The following INPP4B variants were observed in gnomAD, a reference collection of about 807,000 sequenced individuals.
INPP4B encodes inositol polyphosphate-4-phosphatase type II B.
A neutral mutation model predicts 122.5 loss-of-function variants in INPP4B; 55 were observed. The observed-to-expected ratio is 0.45, with a 90% CI of 0.36 to 0.56. The LOEUF (loss-of-function observed/expected upper bound fraction) is 0.56. INPP4B is among the 20% of genes least tolerant of loss of function. The pLI is 0.00. For synonymous variants in INPP4B, 403 were observed against 388.7 expected, an observed-to-expected ratio of 1.04 and a Z score of -0.43; for missense variants, 1,000 against 1,097.7, an observed-to-expected ratio of 0.91 and a Z score of 1.26.
intron 5 of INPP4B, among the ~76,000 whole-genome samples, chr4:142,410,772 T>C (rs1804436127): frequency 6.6e-6 from 1 of 152,190 alleles, no homozygotes; most frequent in Non-Finnish European, 1.5e-5. Context: ...GTAATGTATA[T>C]AGAATGCTAA....
intron 5 of INPP4B, among the ~76,000 whole-genome samples, chr4:142,415,282 G>A (rs1390487961): frequency 6.6e-6 from 1 of 152,122 alleles, no homozygotes; most frequent in Non-Finnish European, 1.5e-5. Context: ...GTTACAGGAA[G>A]GGTGGCAGGA....
intron 2 of INPP4B, among the ~76,000 whole-genome samples, chr4:142,585,532 G>C (rs1264744885): frequency 3.3e-5 from 5 of 152,098 alleles, no homozygotes; most frequent in Non-Finnish European, 7.3e-5. Context: ...TCTCTTGTCT[G>C]AGGCATTTTC....
intron 1 of INPP4B, among the ~76,000 whole-genome samples, chr4:142,737,349 C>A (rs1048158474): frequency 3.9e-5 from 6 of 152,110 alleles, no homozygotes; most frequent in Non-Finnish European, 7.3e-5. Flanking sequence ...CTGACAAAAA[C>A]AAGCAATGGG....
At chr4:142,733,235 T>C (rs1489549571) in intron 1 of INPP4B, among the ~76,000 whole-genome samples, 1 of 152,116 alleles carries the variant, frequency 6.6e-6, no homozygotes, top group East Asian at 1.9e-4. Flanking sequence ...ATCTTTCCCT[T>C]TGGGGCAGAT....
chr4:142,692,263 C>G (rs529986858), intron 2 of INPP4B, among the ~76,000 whole-genome samples: 1 of 151,904 alleles, frequency 6.6e-6, no homozygotes, highest in Non-Finnish European at 1.5e-5. Context: ...CTAAAACAAA[C>G]AAAAAATACT....
At position 142,024,600 on chromosome 4, in the gene INPP4B, A is replaced by G. The variant is rs1255994920; in HGVS notation, c.*4182T>C. 3.9e-5 allele frequency: 6 copies of G among 152,186 alleles called. No homozygotes were observed. The highest frequency in any genetic ancestry group is 7.4e-5 in the Non-Finnish European group (5 of 68,022). 9.4% of individuals were successfully genotyped at this position (152,186 alleles called of 1,614,324 possible). The stretch of plus-strand genomic sequence containing the variant: ...AAATGATATACCATCCTGCTTGGAA[A>G]TCAAACACCTAAAACATCTGTGGTG... On this transcript the variant is annotated 3_prime_UTR_variant, in exon 26 of 26. Transcript: ENST00000262992.
At chr4:142,713,534 GA>G (rs1201313337) in intron 2 of INPP4B, among the ~76,000 whole-genome samples, 1 of 152,182 alleles carries the variant, frequency 6.6e-6, no homozygotes, top group Non-Finnish European at 1.5e-5. Flanking sequence ...ACTCTTCTGA[GA>G]AATACTTACT....
rs532070151 is a variant in INPP4B, at chr4:142,533,728, C to T, written c.-190-71002G>A. Among the ~76,000 whole-genome samples the T allele has an allele frequency of 3.9e-5, 6 of 152,186 alleles. No homozygotes were observed. The South Asian group carries it at 1.2e-3, about 32-fold the overall frequency. On this transcript the variant is annotated intron_variant, in intron 2 of 25. Transcript: ENST00000262992. ...CAAAATTCTTAAGCAAATAAAGAAA[C>T]ATGTTTATAAGAATATGACCCACCC...
In INPP4B at chr4:142,255,403, C is replaced by G. The variant is rs544398849; in HGVS notation, c.688+5089G>C. ...CTAAATGCTCCAGTTAAAAGACACA[C>G]ACTGGCAAATTGGATAAAGAGTCAA... On this transcript the variant is annotated intron_variant, in intron 11 of 25. Coordinates refer to ENST00000262992, the MANE Select transcript of INPP4B (RefSeq NM_001101669.3). Among the ~76,000 whole-genome samples the G allele has an allele frequency of 1.5e-3, 224 of 152,234 alleles. 5 individuals carry two copies. In the South Asian group the frequency reaches 0.044, roughly 30 times the overall value.
chr4:142,494,805 G>C (rs552285997), intron 2 of INPP4B, among the ~76,000 whole-genome samples: 1 of 151,940 alleles, frequency 6.6e-6, no homozygotes, highest in Non-Finnish European at 1.5e-5. Flanking sequence ...GGACACCTCC[G>C]TCCCAAATTC....
At chr4:142,797,666 T>C (rs1447476164) in intron 1 of INPP4B, among the ~76,000 whole-genome samples, 2 of 151,644 alleles carry the variant, frequency 1.3e-5, no homozygotes, top group African/African-American at 4.8e-5. Flanking sequence ...TAAAAGAAAA[T>C]AATAAAAGAT....
chr4:142,122,696 A>G (rs919477987), intron 20 of INPP4B, among the ~76,000 whole-genome samples: 3 of 152,132 alleles, frequency 2.0e-5, no homozygotes, highest in African/African-American at 7.2e-5. Context: ...CTCTAACAGA[A>G]ATATGTGAGC....
intron 2 of INPP4B, among the ~76,000 whole-genome samples, chr4:142,595,561 C>G (rs181154914): frequency 7.2e-5 from 11 of 152,168 alleles, no homozygotes; most frequent in Admixed American, 2.6e-4. Context: ...GTTTATCCAG[C>G]AAAAATTGGT....
At chr4:142,822,348 T>C (rs1455974367) in intron 1 of INPP4B, among the ~76,000 whole-genome samples, 2 of 152,140 alleles carry the variant, frequency 1.3e-5, no homozygotes, top group South Asian at 4.1e-4. Flanking sequence ...CACTGTGCCT[T>C]AAAGCAGGGG....
intron 9 of INPP4B, among the ~76,000 whole-genome samples, chr4:142,296,188 A>G (rs1429300443): frequency 6.6e-6 from 1 of 152,186 alleles, no homozygotes; most frequent in Non-Finnish European, 1.5e-5. Context: ...CCAATTTGCA[A>G]TCCGACAAAT....
At chr4:142,325,953 C>A (rs569481955) in intron 7 of INPP4B, among the ~76,000 whole-genome samples, 1 of 152,266 alleles carries the variant, frequency 6.6e-6, no homozygotes, top group East Asian at 1.9e-4. Flanking sequence ...TGAATGGCAA[C>A]AATATCTGTA....
intron 2 of INPP4B, among the ~76,000 whole-genome samples, chr4:142,500,223 C>T (rs1034097643): frequency 6.6e-6 from 1 of 152,170 alleles, no homozygotes; most frequent in African/African-American, 2.4e-5. Flanking sequence ...AAACTTGGCA[C>T]TTAAATCCTA....
chr4:142,810,725 G>A (rs1011559393), intron 1 of INPP4B, among the ~76,000 whole-genome samples: 1 of 152,126 alleles, frequency 6.6e-6, no homozygotes, highest in Non-Finnish European at 1.5e-5. Context: ...TCATACTGTA[G>A]GTATGGTCAC....
chr4:142,803,784 T>G (rs1304297138), intron 1 of INPP4B, among the ~76,000 whole-genome samples: 1 of 152,018 alleles, frequency 6.6e-6, no homozygotes, highest in African/African-American at 2.4e-5. Flanking sequence ...CTTATGACTA[T>G]CAATGTAAAA....
Sources: allele counts gnomAD v4.1 joint callset (sites outside exome capture counted in the v4.1 genomes callset), GRCh38; gene constraint gnomAD v4.1.1; transcripts MANE v1.5; gene names NCBI Gene and HGNC (gene_info 2026-07-23, HGNC 2026-07-21).